Variants in TDRD10 observed in about 807,000 individuals in gnomAD.
TDRD10 encodes the protein tudor domain containing 10.
A neutral mutation model predicts 48.0 loss-of-function variants in TDRD10; 40 were observed. The ratio of observed to expected loss-of-function variants is 0.83; its 90% CI spans 0.65 to 1.09. The LOEUF is 1.09. TDRD10 is among the 50% of genes least tolerant of loss of function. The pLI, the probability that TDRD10 is intolerant of heterozygous loss-of-function variation, is 0.00. For missense variants in TDRD10, 378 were observed against 434.7 expected (o/e 0.87, Z 1.16); for synonymous variants, 162 against 170.4 (o/e 0.95, Z 0.38).
At chr1:154,533,674 G>C (rs1694767599) in intron 6 of TDRD10, among the ~76,000 whole-genome samples, 1 of 151,854 alleles carries the variant, frequency 6.6e-6, no homozygotes, top group Non-Finnish European at 1.5e-5. Context: ...GTCTTGCTCT[G>C]TTGCCCAGAC....
At chr1:154,505,626 A>T (rs1428217819) in intron 1 of TDRD10, among the ~76,000 whole-genome samples, 2 of 152,202 alleles carry the variant, frequency 1.3e-5, no homozygotes, top group Admixed American at 6.5e-5. Flanking sequence ...AGGAAAAAAA[A>T]ATCCCTTTAA....
At chr1:154,527,365 T>C (rs1694371882) in intron 6 of TDRD10, among the ~76,000 whole-genome samples, 1 of 152,210 alleles carries the variant, frequency 6.6e-6, no homozygotes, top group African/African-American at 2.4e-5. Context: ...ATTATTCAGG[T>C]AGAGTGGTAG....
chr1:154,521,242 G>T, intron 5 of TDRD10, 81 bp from the exon 6 acceptor site: 2 of 1,416,460 alleles, frequency 1.4e-6, no homozygotes, highest in East Asian at 4.5e-5. Context: ...TGGCCTTCCA[G>T]CTTGGGCTTG....
At chr1:154,527,540 T>TA (rs1694378462) in intron 6 of TDRD10, among the ~76,000 whole-genome samples, 1 of 152,074 alleles carries the variant, frequency 6.6e-6, no homozygotes, top group Non-Finnish European at 1.5e-5. Flanking sequence ...TTAGAAGAAA[T>TA]GTAGCAGAAT....
At chr1:154,537,318 C>T (rs181717922) in intron 6 of TDRD10, among the ~76,000 whole-genome samples, 35 of 152,338 alleles carry the variant, frequency 2.3e-4, no homozygotes, top group Non-Finnish European at 5.0e-4. Context: ...AGAACGTGAG[C>T]TTTGTGGTGG....
chr1:154,504,964 G>A (rs12118018), intron 1 of TDRD10, among the ~76,000 whole-genome samples: 76,842 of 151,928 alleles, frequency 0.51, 22,575 homozygotes, highest in East Asian at 0.76. Flanking sequence ...TCCAGCCTGG[G>A]CGACAGAGTG....
rs1557821440 is a variant in TDRD10 at position 154,521,386 on chromosome 1, T to A, written c.276T>A (p.Gly92=). The A allele has an allele frequency of 6.2e-7, 1 of 1,614,214 alleles. No individual in the cohort carries two copies. Among genetic ancestry groups the A allele is most frequent in the Non-Finnish European group, 8.5e-7 (1 of 1,180,044 alleles). Residue 92 remains glycine (G), a synonymous_variant, in exon 6 of 13, where the codon GGT becomes GGA. Transcript: ENST00000368482. ...CACTTGCAATCCAGGAGCTGAATGG[T>A]AAACTCTTCCACAAGCGAAAACTGT... The part of the protein sequence containing the change: ...KVTLAIQELN[G]KLFHKRKLFV...
chr1:154,547,636 G>T, intron 12 of TDRD10, 42 bp from the exon 13 acceptor site: 1 of 1,614,186 alleles, frequency 6.2e-7, no homozygotes, highest in Non-Finnish European at 8.5e-7. Flanking sequence ...ACTGGCTCGG[G>T]TGGGCCTTCC....
In TDRD10 at chr1:154,502,544, C is replaced by G. The variant is rs1435889770; in HGVS notation, c.-513C>G. On this transcript the variant is annotated 5_prime_UTR_variant, in exon 1 of 13. Transcript: ENST00000368482. ...AGCGCCATGGCAGAGGCGGGTCGGG[C>G]TGCGAGCTCTGGAGAAAGGGGCGGC... 6.6e-6 allele frequency: 1 copy of G among 152,188 alleles called. No individual in the cohort carries two copies. The highest frequency in any genetic ancestry group is 1.5e-5 in the Non-Finnish European group (1 of 68,080). The allele number at this position is 152,188 out of a possible 1,614,324, so 9.4% of individuals were successfully genotyped here.
At chr1:154,528,611 C>G (rs1175995902) in intron 6 of TDRD10, among the ~76,000 whole-genome samples, 5 of 151,960 alleles carry the variant, frequency 3.3e-5, no homozygotes, top group African/African-American at 1.2e-4. Flanking sequence ...GAGGCTGAGG[C>G]AGGCGGAGAC....
In TDRD10 at chr1:154,520,352, A is replaced by C; in HGVS notation, c.190A>C (p.Lys64Gln). The C allele has an allele frequency of 6.2e-7, 1 of 1,613,924 alleles. No homozygotes were observed. Among genetic ancestry groups the C allele is most frequent in the Non-Finnish European group, 8.5e-7 (1 of 1,179,796 alleles). ...GGACTTCAACCCTCTTGATGTCCAC[A>C]AAATCCAGAATGGCTGCAAATGGTA... Reference protein sequence around the residue: ...LKDFNPLDVHKIQNGCKCFAF... With the variant: ...LKDFNPLDVHQIQNGCKCFAF... Residue 64 changes from lysine (K) to glutamine (Q), a missense_variant, in exon 5 of 13, where the codon AAA (lysine) becomes CAA (glutamine). By Grantham distance (53) the Lys-to-Gln change is moderately conservative. This residue lies in a region of TDRD10 where 310 missense variants were observed against 323.6 expected (regional missense o/e 0.96). Transcript: ENST00000368482.
Position 154,544,117 on chromosome 1 carries a change from ACTGGTTGTT to A in TDRD10, c.651+8_651+16del. 6.2e-7 allele frequency: 1 copy of A among 1,613,928 alleles called. No individual in the cohort carries two copies. ...GGCTATGCACGTCACTGAGGTATGG[ACTGGTTGTT>A]GGCCCCCTCAGGCTCCTGTGCCTTC... On this transcript the variant is annotated splice_region_variant and intron_variant, in intron 9 of 12. Coordinates refer to ENST00000368482, the MANE Select transcript of TDRD10 (RefSeq NM_182499.4).
At chr1:154,522,884 G>C (rs781559581) in intron 6 of TDRD10, among the ~76,000 whole-genome samples, 1 of 151,832 alleles carries the variant, frequency 6.6e-6, no homozygotes, top group African/African-American at 2.4e-5. Context: ...TGGATGATTC[G>C]ACTAAGAGTC....
intron 6 of TDRD10, among the ~76,000 whole-genome samples, chr1:154,531,523 G>A (rs557971576): frequency 1.2e-4 from 19 of 152,164 alleles, no homozygotes; most frequent in African/African-American, 3.1e-4. Context: ...CTTTTAAGGC[G>A]GCACATCTGG....
At chr1:154,510,687 G>C (rs1693415308) in intron 4 of TDRD10, among the ~76,000 whole-genome samples, 1 of 152,168 alleles carries the variant, frequency 6.6e-6, no homozygotes, top group Admixed American at 6.5e-5. Flanking sequence ...CCAGGTTTCT[G>C]GTAGAAGACA....
intron 12 of TDRD10, 57 bp from the exon 13 acceptor site, chr1:154,547,621 G>C (rs1266910706): frequency 6.2e-7 from 1 of 1,614,174 alleles, no homozygotes; most frequent in African/African-American, 1.3e-5. Context: ...TGAGGGGTTG[G>C]GTGAACTGGC....
At chr1:154,510,658 A>T (rs756106677) in intron 4 of TDRD10, among the ~76,000 whole-genome samples, 1 of 152,138 alleles carries the variant, frequency 6.6e-6, no homozygotes, top group African/African-American at 2.4e-5. Context: ...CAAACTAACA[A>T]ATTGGCCTGC....
At chr1:154,512,941 C>T (rs1314849432) in intron 4 of TDRD10, among the ~76,000 whole-genome samples, 1 of 152,078 alleles carries the variant, frequency 6.6e-6, no homozygotes, top group Non-Finnish European at 1.5e-5. Context: ...GCATGTGAAG[C>T]AATGTGGTGT....
At position 154,544,521 on chromosome 1, in the gene TDRD10, T is replaced by C; in HGVS notation, c.797+4T>C. 1 of 1,613,484 alleles carries C rather than the reference T, an allele frequency of 6.2e-7. No individual in the cohort carries two copies. The highest frequency in any genetic ancestry group is 8.5e-7 in the Non-Finnish European group (1 of 1,179,670). ...ATTATGGACACGCCTGGAACAGGTG[T>C]GTGCCTGGGCAGGGGTAGAGTCTAT... On this transcript the variant is annotated splice_donor_region_variant and intron_variant, in intron 10 of 12. Coordinates refer to ENST00000368482, the MANE Select transcript of TDRD10 (RefSeq NM_182499.4).
Sources: gnomAD v4.1 joint callset for allele counts (sites outside exome capture counted in the v4.1 genomes callset) on GRCh38, gnomAD v4.1.1 for gene constraint, gnomAD v4.1.1 regional missense constraint, MANE v1.5 for transcripts, NCBI Gene and HGNC (gene_info 2026-07-23, HGNC 2026-07-21) for gene names.